Variants in CSMD1 observed in about 807,000 individuals in gnomAD.
CSMD1 encodes CUB and sushi domain-containing protein 1.
A neutral mutation model predicts 417.5 loss-of-function variants in CSMD1; 213 were observed. That is an observed-to-expected ratio of 0.51 (90% CI 0.46 to 0.57). CSMD1 has a LOEUF of 0.57. CSMD1 is among the 20% of genes least tolerant of loss of function. CSMD1 has a pLI of 0.00. For missense variants in CSMD1, 6,923 were observed against 4,529.7 expected, an observed-to-expected ratio of 1.53 and a Z score of -15.17; for synonymous variants, 2,862 against 1,736.8, an observed-to-expected ratio of 1.65 and a Z score of -16.11.
At chr8:3,440,560 A>C (rs1001589211) in intron 12 of CSMD1, among the ~76,000 whole-genome samples, 5 of 152,162 alleles carry the variant, frequency 3.3e-5, no homozygotes, top group African/African-American at 1.2e-4. Context: ...ATTCTTTGGG[A>C]AATTCTATCT....
chr8:4,677,880 T>C (rs1225315310), intron 1 of CSMD1, among the ~76,000 whole-genome samples: 3 of 152,086 alleles, frequency 2.0e-5, no homozygotes, highest in African/African-American at 7.2e-5. Context: ...TATTAACACA[T>C]CTGAATGCTG....
chr8:4,292,273 G>C (rs1160459336), intron 3 of CSMD1, among the ~76,000 whole-genome samples: 2 of 152,084 alleles, frequency 1.3e-5, no homozygotes, highest in South Asian at 2.1e-4. Context: ...TTTGTTTTGA[G>C]ACAGAGTCTC....
At chr8:3,570,655 A>G (rs1799906247) in intron 10 of CSMD1, among the ~76,000 whole-genome samples, 1 of 152,162 alleles carries the variant, frequency 6.6e-6, no homozygotes, top group South Asian at 2.1e-4. Context: ...CCCCTTTGTT[A>G]TCTAAAATAA....
intron 3 of CSMD1, among the ~76,000 whole-genome samples, chr8:4,179,859 A>T (rs1247450999): frequency 1.3e-5 from 2 of 152,220 alleles, no homozygotes; most frequent in African/African-American, 4.8e-5. Context: ...AGAGAAATGC[A>T]AACCAAAACC....
chr8:4,296,368 C>T (rs1287446717), intron 3 of CSMD1, among the ~76,000 whole-genome samples: 2 of 152,036 alleles, frequency 1.3e-5, no homozygotes, highest in African/African-American at 4.8e-5. Context: ...ATTTCAGGAC[C>T]ACATCCATTA....
chr8:3,966,087 G>T (rs1230257257), intron 5 of CSMD1, among the ~76,000 whole-genome samples: 1 of 152,086 alleles, frequency 6.6e-6, no homozygotes, highest in South Asian at 2.1e-4. Context: ...CCAGGAGTAG[G>T]GACTACGAAT....
intron 1 of CSMD1, among the ~76,000 whole-genome samples, chr8:4,926,512 T>C: frequency 6.6e-6 from 1 of 152,314 alleles, no homozygotes; most frequent in Middle Eastern, 3.4e-3. Context: ...TAAATAGCAG[T>C]TATCTTATTT....
intron 4 of CSMD1, among the ~76,000 whole-genome samples, chr8:4,022,667 G>A (rs147187777): frequency 3.3e-5 from 5 of 152,258 alleles, no homozygotes; most frequent in East Asian, 3.9e-4. Flanking sequence ...AGAGAAATGT[G>A]GTAGATTTGG....
chr8:4,467,438 T>C (rs573460266), intron 2 of CSMD1, among the ~76,000 whole-genome samples: 7 of 150,888 alleles, frequency 4.6e-5, no homozygotes, highest in African/African-American at 1.2e-4. Context: ...CAAGCAGACA[T>C]CCTTCTAAAC....
chr8:3,621,379 G>A (rs1167627515), intron 7 of CSMD1, among the ~76,000 whole-genome samples: 1 of 152,130 alleles, frequency 6.6e-6, no homozygotes, highest in Non-Finnish European at 1.5e-5. Flanking sequence ...TAAAAACGAA[G>A]AGTAATCAAA....
chr8:3,924,966 G>A (rs1428643928), intron 5 of CSMD1, among the ~76,000 whole-genome samples: 2 of 151,712 alleles, frequency 1.3e-5, no homozygotes, highest in Admixed American at 6.6e-5. Flanking sequence ...TGCTTTCTTA[G>A]CATTTGAAGC....
chr8:3,207,385 C>T (rs530355407), intron 30 of CSMD1, among the ~76,000 whole-genome samples: 51 of 151,682 alleles, frequency 3.4e-4, no homozygotes, highest in African/African-American at 1.2e-3. Context: ...CCTCATGATC[C>T]GCATGGCTCA....
In CSMD1 at chr8:4,419,871, G is replaced by C. The variant is rs898749319; in HGVS notation, c.415+82C>G. On this transcript the variant is annotated intron_variant, in intron 3 of 69. Coordinates refer to ENST00000635120, the MANE Select transcript of CSMD1 (RefSeq NM_033225.6). ...GAACGACCTGCGACATAGCAGCCTA[G>C]TTTGTCATTATTAATCCAGTGTAGC... The C allele has an allele frequency of 3.1e-5, 30 of 977,806 alleles. No individual in the cohort carries two copies. The African/African-American group carries it at 4.5e-4, about 15-fold the overall frequency. 60.6% of individuals were successfully genotyped at this position (977,806 alleles called of 1,614,324 possible).
rs117806355 is a variant in CSMD1 at position 4,289,934 on chromosome 8, C to T, written c.415+130019G>A. On this transcript the variant is annotated intron_variant, in intron 3 of 69. Transcript: ENST00000635120. ...CTGAGTGCAAGTGAGTAATTAGAAT[C>T]ATTATTGACCTCTTCTTGAGAGGAG... Among the ~76,000 whole-genome samples, 253 of 152,284 alleles carry T rather than the reference C, an allele frequency of 1.7e-3. 1 individual carries two copies. The highest frequency in any genetic ancestry group is 2.9e-3 in the Non-Finnish European group (195 of 68,020).
At chr8:4,296,302 G>GTCCT (rs1797676300) in intron 3 of CSMD1, among the ~76,000 whole-genome samples, 1 of 151,994 alleles carries the variant, frequency 6.6e-6, no homozygotes, top group South Asian at 2.1e-4. Flanking sequence ...GAATTATTTC[G>GTCCT]TCCCTGTGGT....
At chr8:3,384,284 G>C (rs530976586) in intron 18 of CSMD1, among the ~76,000 whole-genome samples, 31 of 152,156 alleles carry the variant, frequency 2.0e-4, no homozygotes, top group African/African-American at 6.7e-4. Context: ...TTCAATCAAT[G>C]TGTAACTTAT....
At chr8:4,691,392 G>C (rs1200102146) in intron 1 of CSMD1, among the ~76,000 whole-genome samples, 2 of 152,138 alleles carry the variant, frequency 1.3e-5, no homozygotes, top group Non-Finnish European at 2.9e-5. Context: ...TATTACTAAA[G>C]CAACCACCTT....
At chr8:3,798,890 T>G (rs1011623985) in intron 5 of CSMD1, among the ~76,000 whole-genome samples, 9 of 152,026 alleles carry the variant, frequency 5.9e-5, no homozygotes, top group Non-Finnish European at 2.9e-5. Context: ...ATAGTCAAGT[T>G]TATAGGTGCA....
At chr8:3,509,240 A>G (rs1386976603) in intron 10 of CSMD1, among the ~76,000 whole-genome samples, 3 of 152,246 alleles carry the variant, frequency 2.0e-5, no homozygotes, top group African/African-American at 7.2e-5. Flanking sequence ...ACCCCTTTAC[A>G]AACACAGAGA....
Sources: gnomAD v4.1 joint callset for allele counts (sites outside exome capture counted in the v4.1 genomes callset) on GRCh38, gnomAD v4.1.1 for gene constraint, MANE v1.5 for transcripts, NCBI Gene and HGNC (gene_info 2026-07-23, HGNC 2026-07-21) for gene names.